Variants in COL22A1 observed in about 807,000 individuals in gnomAD.
The protein encoded by COL22A1 is collagen type XXII alpha 1 chain, also known as collagen alpha-1(XXII) chain.
Under a neutral mutation model 248.9 loss-of-function variants are expected in COL22A1, and 221 were observed. The observed-to-expected ratio is 0.89, with a 90% CI of 0.80 to 0.99. The LOEUF (loss-of-function observed/expected upper bound fraction) is 0.99. Ranked by LOEUF, COL22A1 falls within the 50% of genes least tolerant of loss-of-function variation. The probability of loss-of-function intolerance (pLI) is 0.00; values close to 1 mark genes in which losing one functional copy is unlikely to be tolerated. For synonymous variants in COL22A1, 891 were observed against 793.4 expected (o/e 1.12, Z -2.07); for missense variants, 2,240 against 2,179.0 (o/e 1.03, Z -0.56).
intron 21 of COL22A1, among the ~76,000 whole-genome samples, chr8:138,754,358 C>A (rs1322798451): frequency 6.6e-6 from 1 of 152,116 alleles, no homozygotes; most frequent in Non-Finnish European, 1.5e-5. Context: ...TAAAATTGTT[C>A]TAATTTTCCT....
chr8:138,685,095 T>A, intron 38 of COL22A1, 113 bp downstream of exon 38: 1 of 777,630 alleles, frequency 1.3e-6, no homozygotes, highest in Non-Finnish European at 2.2e-6. Flanking sequence ...CAGGCCCATT[T>A]CATTGGCCAC....
rs550626397 is a variant in COL22A1 at position 138,755,752 on chromosome 8, C to T, written c.1947+33G>A. 3.2e-5 allele frequency: 51 copies of T among 1,611,632 alleles called. No individual in the cohort carries two copies. The South Asian group carries it at 4.6e-4, about 15-fold the overall frequency. On this transcript the variant is annotated intron_variant, in intron 19 of 64. Transcript: ENST00000303045. ...TCCAACCACCCAATCCCACCAGCAC[C>T]TGCATCCATGATTCCAACCACTGCT...
At chr8:138,707,372 G>T (rs1268770401) in intron 30 of COL22A1, among the ~76,000 whole-genome samples, 1 of 152,176 alleles carries the variant, frequency 6.6e-6, no homozygotes, top group East Asian at 1.9e-4. Flanking sequence ...GATGAACATC[G>T]ATGCAAAAAT....
At chr8:138,881,623 T>C (rs1294547010) in intron 2 of COL22A1, among the ~76,000 whole-genome samples, 1 of 152,208 alleles carries the variant, frequency 6.6e-6, no homozygotes, top group Non-Finnish European at 1.5e-5. Context: ...AGGCGGAGCT[T>C]GCAGTGAGCC....
chr8:138,879,991 G>A (rs1824066028), intron 2 of COL22A1, among the ~76,000 whole-genome samples: 1 of 152,084 alleles, frequency 6.6e-6, no homozygotes, highest in Admixed American at 6.5e-5. Flanking sequence ...CTCTCTCAGG[G>A]GCTTTGAAGT....
intron 13 of COL22A1, among the ~76,000 whole-genome samples, chr8:138,779,867 G>A (rs1814801893): frequency 6.6e-6 from 1 of 152,200 alleles, no homozygotes; most frequent in African/African-American, 2.4e-5. Context: ...CTTGGCTCAA[G>A]TGATCCTTCT....
At chr8:138,905,181 C>T (rs1814917396) in intron 1 of COL22A1, among the ~76,000 whole-genome samples, 1 of 152,186 alleles carries the variant, frequency 6.6e-6, no homozygotes, top group Non-Finnish European at 1.5e-5. Flanking sequence ...TTCCTTCACA[C>T]TCACAACACT....
chr8:138,844,572 A>C (rs2131870983), intron 3 of COL22A1, among the ~76,000 whole-genome samples: 1 of 152,348 alleles, frequency 6.6e-6, no homozygotes, highest in Non-Finnish European at 1.5e-5. Context: ...TTTCCTGGAA[A>C]GATTCTTTTT....
chr8:138,716,823 A>C lies in COL22A1; in HGVS notation c.2400+2T>G. ...AATGAATAAAAGCACAAACAAACAGACCTTCTCTCCAGGTCGGCCTGCCAG... is the reference window on the plus strand; with the variant it reads ...AATGAATAAAAGCACAAACAAACAGCCCTTCTCTCCAGGTCGGCCTGCCAG... On this transcript the variant is annotated splice_donor_variant, in intron 28 of 64. Coordinates refer to ENST00000303045, the MANE Select transcript of COL22A1 (RefSeq NM_152888.3). LOFTEE classifies it high-confidence loss of function. 6.2e-7 allele frequency: 1 copy of C among 1,605,618 alleles called. No homozygotes were observed. Among genetic ancestry groups the C allele is most frequent in the Non-Finnish European group, 8.5e-7 (1 of 1,172,368 alleles).
intron 35 of COL22A1, among the ~76,000 whole-genome samples, chr8:138,692,510 T>TGTGTG: frequency 7.3e-6 from 1 of 137,360 alleles, no homozygotes; most frequent in African/African-American, 2.8e-5. Context: ...TGTGTGTGTG[T>TGTGTG]TGGCTTTGAC....
chr8:138,593,399 A>T (rs1472782582), intron 63 of COL22A1, among the ~76,000 whole-genome samples: 1 of 152,180 alleles, frequency 6.6e-6, no homozygotes, highest in Non-Finnish European at 1.5e-5. Flanking sequence ...TTTTAAAAAA[A>T]AACCTTTTGT....
intron 12 of COL22A1, among the ~76,000 whole-genome samples, chr8:138,783,317 G>A (rs1367525511): frequency 1.3e-5 from 2 of 152,040 alleles, no homozygotes; most frequent in Non-Finnish European, 2.9e-5. Context: ...CAAAGGGGGA[G>A]TTTATTAACT....
Position 138,685,336 on chromosome 8 carries a change from C to A in COL22A1, c.2863-24G>T, listed in dbSNP as rs1564191158. On this transcript the variant is annotated intron_variant, in intron 37 of 64. Coordinates refer to ENST00000303045, the MANE Select transcript of COL22A1 (RefSeq NM_152888.3). Reference sequence around the variant, plus strand: ...CCCTGGAAAGAAAAGTAGACATTTCCCAGGGTCAATTACACTCAGCACGAA... The same window carrying A: ...CCCTGGAAAGAAAAGTAGACATTTCACAGGGTCAATTACACTCAGCACGAA... The A allele has an allele frequency of 2.5e-6, 4 of 1,599,352 alleles. No homozygotes were observed. The African/African-American group carries it at 5.4e-5, about 21-fold the overall frequency.
chr8:138,747,745 C>T (rs983851651), intron 22 of COL22A1, among the ~76,000 whole-genome samples: 2 of 152,062 alleles, frequency 1.3e-5, no homozygotes, highest in African/African-American at 2.4e-5. Flanking sequence ...TACAACAATG[C>T]CTGGTACCCA....
chr8:138,841,569 A>G (rs1820883235), intron 4 of COL22A1, among the ~76,000 whole-genome samples: 1 of 152,154 alleles, frequency 6.6e-6, no homozygotes, highest in Non-Finnish European at 1.5e-5. Context: ...AAGCATTCCA[A>G]TAGATTCATG....
chr8:138,688,933 C>G lies in COL22A1; in HGVS notation c.2846G>C (p.Gly949Ala), dbSNP rs1489227718. 1 of 1,613,400 alleles carries G rather than the reference C, an allele frequency of 6.2e-7. No homozygotes were observed. Among genetic ancestry groups the G allele is most frequent in the South Asian group, 1.1e-5 (1 of 91,050 alleles). The change falls in exon 37 of 65, where the codon GGG (glycine) becomes GCG (alanine). Residue 949 changes from glycine to alanine, a missense_variant. Gly to Ala is a moderately conservative substitution (Grantham distance 60). Coordinates refer to ENST00000303045, the MANE Select transcript of COL22A1 (RefSeq NM_152888.3). ...PGLRGTPGKD[G>A]ERGEKGAAGE... ...TGGTCTTACCTTCTCACCACGCTCC[C>G]CATCTTTCCCTGGGGTGCCTCTGAG...
chr8:138,762,453 A>C lies in COL22A1; in HGVS notation c.1817T>G (p.Leu606Arg). The change falls in exon 17 of 65, where the codon CTG becomes CGG. Residue 606 changes from leucine to arginine, a missense_variant. Coordinates refer to ENST00000303045, the MANE Select transcript of COL22A1 (RefSeq NM_152888.3). Reference sequence around the variant, plus strand: ...CCCAGGCTTCCCAGGGAATCCATCCAGGCCTCGCTCTCCCTGGCAAAAGAA... The same window carrying C: ...CCCAGGCTTCCCAGGGAATCCATCCCGGCCTCGCTCTCCCTGGCAAAAGAA... The part of the protein sequence containing the change: ...GTRGEKGERG[L>R]DGFPGKPGDT... 6.2e-7 allele frequency: 1 copy of C among 1,614,154 alleles called. No individual in the cohort carries two copies.
chr8:138,670,311 C>A (rs1824905481), intron 41 of COL22A1, among the ~76,000 whole-genome samples: 1 of 152,220 alleles, frequency 6.6e-6, no homozygotes, highest in African/African-American at 2.4e-5. Context: ...TCCTCAGCCT[C>A]CTCCTTCACT....
chr8:138,592,746 G>C (rs560039545), intron 63 of COL22A1, among the ~76,000 whole-genome samples: 141 of 152,258 alleles, frequency 9.3e-4, no homozygotes, highest in African/African-American at 3.2e-3. Context: ...GGTCGGACAG[G>C]AGTGAATTAT....
Sources: allele counts gnomAD v4.1 joint callset (sites outside exome capture counted in the v4.1 genomes callset), GRCh38; gene constraint gnomAD v4.1.1; transcripts MANE v1.5; gene names NCBI Gene and HGNC (gene_info 2026-07-23, HGNC 2026-07-21).